Variants in DNM3 observed in about 807,000 individuals in gnomAD.
The protein encoded by DNM3 is dynamin-3.
Under a neutral mutation model 101.6 loss-of-function variants are expected in DNM3, and 47 were observed. That is an observed-to-expected ratio of 0.46 (90% CI 0.37 to 0.59). The LOEUF (loss-of-function observed/expected upper bound fraction) is 0.59. DNM3 is among the 20% of genes least tolerant of loss of function. The pLI is 0.00. For synonymous variants in DNM3, 385 were observed against 387.9 expected (o/e 0.99, Z 0.09); for missense variants, 849 against 1,085.7 (o/e 0.78, Z 3.06).
At chr1:171,881,009 G>T (rs1191442023) in intron 1 of DNM3, among the ~76,000 whole-genome samples, 12 of 151,844 alleles carry the variant, frequency 7.9e-5, no homozygotes, top group Non-Finnish European at 2.9e-5. Context: ...TTGTTTTTTG[G>T]TTGGGAATAC....
chr1:172,221,955 G>C lies in DNM3; in HGVS notation c.1660-31618G>C, dbSNP rs138237264. On this transcript the variant is annotated intron_variant, in intron 14 of 20. Coordinates refer to ENST00000627582, the MANE Select transcript of DNM3 (RefSeq NM_015569.5). The stretch of plus-strand genomic sequence containing the variant: ...TAGAATAGAGTTTATCACATAGTAA[G>C]CCCTCAGTAACAGAGTTCAAGTCTT... 5.0e-3 allele frequency among the ~76,000 whole-genome samples: 756 copies of C among 152,190 alleles called. 4 individuals carry two copies. Among genetic ancestry groups the C allele is most frequent in the African/African-American group, 0.017 (714 of 41,536 alleles).
chr1:172,070,905 T>C (rs1271341084), intron 11 of DNM3, among the ~76,000 whole-genome samples: 2 of 151,154 alleles, frequency 1.3e-5, no homozygotes, highest in Admixed American at 6.6e-5. Flanking sequence ...CTGGGAAACA[T>C]GGTGAAACCC....
chr1:172,100,132 C>A (rs2054533988), intron 13 of DNM3, among the ~76,000 whole-genome samples: 1 of 152,186 alleles, frequency 6.6e-6, no homozygotes, highest in Non-Finnish European at 1.5e-5. Context: ...AGCTTATTAT[C>A]AGTTTTGTTT....
chr1:172,359,125 A>AACAC (rs10683483), intron 17 of DNM3, among the ~76,000 whole-genome samples: 4,326 of 145,698 alleles, frequency 0.03, 95 homozygotes, highest in African/African-American at 0.049. Flanking sequence ...ACTCCCACAA[A>AACAC]ACACACACAC....
intron 17 of DNM3, among the ~76,000 whole-genome samples, chr1:172,359,125 AACACACAC>A (rs10683483): frequency 0.042 from 6,063 of 145,784 alleles, 139 homozygotes; most frequent in Middle Eastern, 0.094. Flanking sequence ...ACTCCCACAA[AACACACAC>A]ACACACACAC....
chr1:172,357,644 G>C (rs1195470432), intron 17 of DNM3, among the ~76,000 whole-genome samples: 1 of 151,990 alleles, frequency 6.6e-6, no homozygotes, highest in Non-Finnish European at 1.5e-5. Context: ...TTAGATCCTG[G>C]GTCATAGTAT....
chr1:172,288,494 G>T (rs192633664), intron 15 of DNM3, among the ~76,000 whole-genome samples: 213 of 152,322 alleles, frequency 1.4e-3, no homozygotes, highest in African/African-American at 4.9e-3. Context: ...ACCACTGAAG[G>T]GGAGTAATGT....
chr1:172,412,213 ATC>A lies in DNM3; in HGVS notation c.*4376_*4377del. Reference sequence around the variant, plus strand: ...ACATATGGCTCAACTCAAGTCATTAATCTCTTTTTAATTTTTACTCTTGAATT... The same window carrying A: ...ACATATGGCTCAACTCAAGTCATTAATCTTTTTAATTTTTACTCTTGAATT... On this transcript the variant is annotated 3_prime_UTR_variant, in exon 21 of 21. Transcript: ENST00000627582. 1 of 985,514 alleles carries A rather than the reference ATC, an allele frequency of 1.0e-6. No individual in the cohort carries two copies. The highest frequency in any genetic ancestry group is 1.7e-5 in the African/African-American group (1 of 57,330). The allele number at this position is 985,514 out of a possible 1,614,324, so 61.0% of individuals were successfully genotyped here.
chr1:172,000,647 T>G lies in DNM3; in HGVS notation c.589+11499T>G, dbSNP rs146573142. 1.8e-4 allele frequency among the ~76,000 whole-genome samples: 27 copies of G among 152,202 alleles called. 1 individual carries two copies. In the South Asian group the frequency reaches 3.5e-3, roughly 20 times the overall value. On this transcript the variant is annotated intron_variant, in intron 4 of 20. Coordinates refer to ENST00000627582, the MANE Select transcript of DNM3 (RefSeq NM_015569.5). Reference sequence around the variant, plus strand: ...AAATCATCCTCACCTCCAATCTTTGTATCAAAACTAGACTTTTATGTTTCA... The same window carrying G: ...AAATCATCCTCACCTCCAATCTTTGGATCAAAACTAGACTTTTATGTTTCA...
intron 17 of DNM3, among the ~76,000 whole-genome samples, chr1:172,357,911 A>G (rs1387980691): frequency 1.3e-5 from 2 of 152,202 alleles, no homozygotes; most frequent in East Asian, 3.9e-4. Flanking sequence ...ACAGACATCA[A>G]TGCATGGCTT....
chr1:172,131,622 T>C (rs1032816489), intron 14 of DNM3, among the ~76,000 whole-genome samples: 5 of 152,154 alleles, frequency 3.3e-5, no homozygotes, highest in African/African-American at 1.2e-4. Flanking sequence ...TTAAAGAAAG[T>C]GTTGAAGGAC....
At chr1:171,857,109 A>T (rs1187291082) in intron 1 of DNM3, among the ~76,000 whole-genome samples, 1 of 152,126 alleles carries the variant, frequency 6.6e-6, no homozygotes, top group African/African-American at 2.4e-5. Context: ...GATTGCTAAG[A>T]TGAGGAATTG....
intron 1 of DNM3, among the ~76,000 whole-genome samples, chr1:171,867,498 T>C (rs770612077): frequency 3.3e-5 from 5 of 152,214 alleles, no homozygotes; most frequent in East Asian, 1.9e-4. Flanking sequence ...TGGCATTCCA[T>C]GGGGAGATGC....
At chr1:172,309,649 G>T (rs2064996751) in intron 16 of DNM3, 1 of 152,168 alleles carries the variant, frequency 6.6e-6, no homozygotes. Flanking sequence ...TAACTCCTGA[G>T]GTGCCTACTT....
chr1:172,354,617 G>A (rs187602192), intron 17 of DNM3, among the ~76,000 whole-genome samples: 3 of 152,054 alleles, frequency 2.0e-5, no homozygotes. Flanking sequence ...TGGCTATCTT[G>A]ACTTCAAAAT....
rs756441576 is a variant in DNM3 at position 172,068,799 on chromosome 1, A to G, written c.1336-20A>G. 5.2e-6 allele frequency: 8 copies of G among 1,552,910 alleles called. No individual in the cohort carries two copies. Among genetic ancestry groups the G allele is most frequent in the Middle Eastern group, 3.3e-4 (2 of 5,982 alleles). On this transcript the variant is annotated intron_variant, in intron 10 of 20. Coordinates refer to ENST00000627582, the MANE Select transcript of DNM3 (RefSeq NM_015569.5). Reference sequence around the variant, plus strand: ...TGTAACTTTTTGAGTATTAATACTCAGATCTGCTTTTCTTGACAGCTGGCA... The same window carrying G: ...TGTAACTTTTTGAGTATTAATACTCGGATCTGCTTTTCTTGACAGCTGGCA...
At chr1:172,280,188 T>C (rs2063438236) in intron 15 of DNM3, among the ~76,000 whole-genome samples, 1 of 152,074 alleles carries the variant, frequency 6.6e-6, no homozygotes, top group Non-Finnish European at 1.5e-5. Context: ...ACCCCCTCAG[T>C]TCATGTCTGT....
chr1:172,089,932 C>G (rs928241963), intron 12 of DNM3, among the ~76,000 whole-genome samples: 1 of 152,148 alleles, frequency 6.6e-6, no homozygotes, highest in Non-Finnish European at 1.5e-5. Flanking sequence ...CTGTCTGTCT[C>G]CTTTATGACA....
chr1:172,318,377 T>G (rs1207218982), intron 16 of DNM3, among the ~76,000 whole-genome samples: 1 of 152,116 alleles, frequency 6.6e-6, no homozygotes, highest in African/African-American at 2.4e-5. Flanking sequence ...GTGTTGGAAG[T>G]TCTGGCCAGG....
Sources: allele counts gnomAD v4.1 joint callset (sites outside exome capture counted in the v4.1 genomes callset), GRCh38; gene constraint gnomAD v4.1.1; transcripts MANE v1.5; gene names NCBI Gene and HGNC (gene_info 2026-07-23, HGNC 2026-07-21).